The following CNTNAP2 variants were observed in gnomAD, a reference collection of about 807,000 sequenced individuals.
The protein encoded by CNTNAP2 is contactin associated protein 2.
A neutral mutation model predicts 155.2 loss-of-function variants in CNTNAP2; 98 were observed. The ratio of observed to expected loss-of-function variants is 0.63; its 90% CI spans 0.54 to 0.75. CNTNAP2 has a LOEUF of 0.75. Ranked by LOEUF, CNTNAP2 falls within the 30% of genes least tolerant of loss-of-function variation. The pLI, the probability that CNTNAP2 is intolerant of heterozygous loss-of-function variation, is 0.00. For missense variants in CNTNAP2, 1,727 were observed against 1,688.1 expected, an observed-to-expected ratio of 1.02 and a Z score of -0.40; for synonymous variants, 651 against 631.2, an observed-to-expected ratio of 1.03 and a Z score of -0.47.
At chr7:146,531,852 T>C (rs1387094161) in intron 1 of CNTNAP2, among the ~76,000 whole-genome samples, 2 of 152,108 alleles carry the variant, frequency 1.3e-5, no homozygotes, top group Non-Finnish European at 2.9e-5. Flanking sequence ...CCCTATAGCT[T>C]GTTTAAACAA....
In CNTNAP2 at chr7:147,433,809, C is replaced by T. The variant is rs951319903; in HGVS notation, c.1670+38029C>T. 4.6e-5 allele frequency among the ~76,000 whole-genome samples: 7 copies of T among 152,082 alleles called. No homozygotes were observed. The South Asian group carries it at 6.2e-4, about 14-fold the overall frequency. Reference sequence around the variant, plus strand: ...TAAAAGAAAGTCAAAATATCAAAATCGAAAAGGAACTTATTTTCTTTGATA... The same window carrying T: ...TAAAAGAAAGTCAAAATATCAAAATTGAAAAGGAACTTATTTTCTTTGATA... On this transcript the variant is annotated intron_variant, in intron 10 of 23. Transcript: ENST00000361727.
At chr7:147,821,769 G>A (rs749469601) in intron 13 of CNTNAP2, among the ~76,000 whole-genome samples, 4 of 152,060 alleles carry the variant, frequency 2.6e-5, no homozygotes, top group Non-Finnish European at 2.9e-5. Context: ...ATAAAATTGC[G>A]GCGACAGGTA....
chr7:146,834,417 A>G (rs1008405462), intron 2 of CNTNAP2, among the ~76,000 whole-genome samples: 1 of 152,126 alleles, frequency 6.6e-6, no homozygotes, highest in Non-Finnish European at 1.5e-5. Flanking sequence ...TGCTCACACC[A>G]TATACTACAC....
At chr7:147,579,489 G>A (rs1378617417) in intron 12 of CNTNAP2, among the ~76,000 whole-genome samples, 10 of 152,048 alleles carry the variant, frequency 6.6e-5, no homozygotes. Flanking sequence ...GTTGCTGTCA[G>A]AGACATTGAA....
chr7:146,688,052 C>T (rs1010178858), intron 1 of CNTNAP2, among the ~76,000 whole-genome samples: 2 of 152,068 alleles, frequency 1.3e-5, no homozygotes, highest in Non-Finnish European at 1.5e-5. Context: ...GTAAAGATGT[C>T]GCTGAAAAGA....
rs114873362 is a variant in CNTNAP2 at position 147,811,057 on chromosome 7, G to A, written c.2099-92508G>A. On this transcript the variant is annotated intron_variant, in intron 13 of 23. Transcript: ENST00000361727. Reference sequence around the variant, plus strand: ...TAACCTTAGTTAGTCTTGTTCTCCAGTTTTCAATAAAATGTGGACTATACC... The same window carrying A: ...TAACCTTAGTTAGTCTTGTTCTCCAATTTTCAATAAAATGTGGACTATACC... 5.9e-3 allele frequency among the ~76,000 whole-genome samples: 900 copies of A among 152,238 alleles called. 9 individuals are homozygous for A. Among genetic ancestry groups the A allele is most frequent in the African/African-American group, 0.021 (856 of 41,528 alleles).
At chr7:148,135,863 G>A (rs1362795042) in intron 16 of CNTNAP2, among the ~76,000 whole-genome samples, 1 of 130,546 alleles carries the variant, frequency 7.7e-6, no homozygotes, top group South Asian at 2.9e-4. Flanking sequence ...GCAGAGGGGA[G>A]GGGAGGGGGG....
At chr7:146,771,806 T>C (rs1356732502) in intron 1 of CNTNAP2, among the ~76,000 whole-genome samples, 3 of 152,210 alleles carry the variant, frequency 2.0e-5, no homozygotes, top group African/African-American at 7.2e-5. Context: ...TAGTTTATTC[T>C]TTCTGTTGCT....
At chr7:146,704,153 T>A (rs1268654170) in intron 1 of CNTNAP2, among the ~76,000 whole-genome samples, 2 of 152,122 alleles carry the variant, frequency 1.3e-5, no homozygotes, top group Non-Finnish European at 1.5e-5. Flanking sequence ...AGAGACAACC[T>A]TTTTTGCATT....
chr7:146,566,742 G>T (rs1798363718), intron 1 of CNTNAP2, among the ~76,000 whole-genome samples: 1 of 151,744 alleles, frequency 6.6e-6, no homozygotes, highest in Non-Finnish European at 1.5e-5. Flanking sequence ...TTAAAAAAAA[G>T]GAAAAGTAGA....
Position 146,600,680 on chromosome 7 carries a change from C to T in CNTNAP2, c.98-173591C>T, listed in dbSNP as rs1019552389. Among the ~76,000 whole-genome samples the T allele has an allele frequency of 2.6e-5, 4 of 152,170 alleles. No individual in the cohort carries two copies. In the South Asian group the frequency reaches 8.3e-4, roughly 32 times the overall value. On this transcript the variant is annotated intron_variant, in intron 1 of 23. Coordinates refer to ENST00000361727, the MANE Select transcript of CNTNAP2 (RefSeq NM_014141.6). ...CTTTTTAGTACTTGTATTGTTGCAT[C>T]GCTGAATACACAATATAATTTTTAC...
intron 1 of CNTNAP2, among the ~76,000 whole-genome samples, chr7:146,221,321 A>G (rs2116897624): frequency 6.6e-6 from 1 of 152,322 alleles, no homozygotes; most frequent in East Asian, 1.9e-4. Flanking sequence ...ACTGAAGGAT[A>G]TACTGAATTT....
At chr7:148,285,360 C>T (rs7777764) in intron 21 of CNTNAP2, among the ~76,000 whole-genome samples, 81,930 of 152,212 alleles carry the variant, frequency 0.54, 23,657 homozygotes, top group East Asian at 0.75. Context: ...CCAACTGTTA[C>T]TCCATCTTTA....
At chr7:147,698,060 C>T (rs1329307435) in intron 13 of CNTNAP2, among the ~76,000 whole-genome samples, 1 of 152,114 alleles carries the variant, frequency 6.6e-6, no homozygotes, top group East Asian at 1.9e-4. Flanking sequence ...GTTTTCTGCT[C>T]ATGGATTTCT....
At chr7:148,316,733 T>C (rs1329594705) in intron 21 of CNTNAP2, among the ~76,000 whole-genome samples, 1 of 152,220 alleles carries the variant, frequency 6.6e-6, no homozygotes, top group African/African-American at 2.4e-5. Flanking sequence ...GGCAGATAAA[T>C]AGAAAGATGT....
At chr7:148,354,271 C>T (rs924432356) in intron 21 of CNTNAP2, among the ~76,000 whole-genome samples, 24 of 138,704 alleles carry the variant, frequency 1.7e-4, no homozygotes, top group African/African-American at 6.5e-4. Flanking sequence ...TATTTTGTAG[C>T]ATATCTTAGT....
intron 3 of CNTNAP2, among the ~76,000 whole-genome samples, chr7:147,035,554 G>A (rs575637577): frequency 1.2e-4 from 18 of 152,154 alleles, no homozygotes; most frequent in Non-Finnish European, 2.2e-4. Flanking sequence ...TATGTTTTAA[G>A]CAAGTAAGAT....
At position 147,128,732 on chromosome 7, in the gene CNTNAP2, T is replaced by C. The variant is rs1041122943; in HGVS notation, c.979T>C (p.Ser327Pro). 3.1e-6 allele frequency: 5 copies of C among 1,613,932 alleles called. No individual in the cohort carries two copies. In the African/African-American group the frequency reaches 6.7e-5, roughly 22 times the overall value. ...CATCCCTTTCTCTGGCAAGCCCAGC[T>C]CCAGCAGTAGAAAGAATTTCAAAGG... ...GGIPFSGKPS[S>P]SSRKNFKGCM... The change falls in exon 7 of 24, where the codon TCC becomes CCC. Residue 327 changes from serine (S) to proline (P), a missense_variant. By Grantham distance (74) the Ser-to-Pro change is moderately conservative. Coordinates refer to ENST00000361727, the MANE Select transcript of CNTNAP2 (RefSeq NM_014141.6).
intron 2 of CNTNAP2, among the ~76,000 whole-genome samples, chr7:146,780,469 G>T (rs1474208620): frequency 1.3e-5 from 2 of 152,036 alleles, no homozygotes; most frequent in Non-Finnish European, 2.9e-5. Flanking sequence ...GATTACAGGC[G>T]TGAGCCACTG....
Sources: allele counts gnomAD v4.1 joint callset (sites outside exome capture counted in the v4.1 genomes callset), GRCh38; gene constraint gnomAD v4.1.1; transcripts MANE v1.5; gene names NCBI Gene and HGNC (gene_info 2026-07-23, HGNC 2026-07-21).